Variants in CDK11B observed in about 807,000 individuals in gnomAD.
CDK11B encodes the protein cyclin dependent kinase 11B.
Under a neutral mutation model 84.0 loss-of-function variants are expected in CDK11B, and 37 were observed. The observed-to-expected ratio is 0.44, with a 90% CI of 0.34 to 0.58. The LOEUF is 0.58. Among genes scored for constraint, CDK11B ranks in the 20% least tolerant of loss-of-function variants. CDK11B has a pLI of 0.02. For missense variants in CDK11B, 427 were observed against 834.0 expected, an observed-to-expected ratio of 0.51 and a Z score of 6.01; for synonymous variants, 269 against 309.8, an observed-to-expected ratio of 0.87 and a Z score of 1.38.
rs1019119844 is a variant in CDK11B at position 1,658,962 on chromosome 1, A to G, written c.-62T>C. On this transcript the variant is annotated 5_prime_UTR_variant, in exon 1 of 20. Transcript: ENST00000341832. The stretch of plus-strand genomic sequence containing the variant: ...CGCCGCCGCCGCCGGTCCCGGAGCC[A>G]GAGAAGAAACAGCAACCGGCGCGCG... 93 of 204,678 alleles carry G rather than the reference A, an allele frequency of 4.5e-4. 1 individual carries two copies. The Admixed American group carries it at 5.6e-3, about 12-fold the overall frequency. 12.7% of individuals were successfully genotyped at this position (204,678 alleles called of 1,614,324 possible). A position where few individuals can be genotyped will look rare whatever the true frequency, so the allele number is the denominator to read the frequency against.
chr1:1,636,684 T>C lies in CDK11B; in HGVS notation c.1915A>G (p.Lys639Glu). The change falls in exon 17 of 20, where the codon AAG (lysine) becomes GAG (glutamate). Residue 639 changes from lysine to glutamate, a missense_variant and splice_region_variant. Physicochemically the swap from Lys to Glu is moderately conservative, Grantham distance 56. Coordinates refer to ENST00000341832, the MANE Select transcript of CDK11B (RefSeq NM_033486.3). ...SEIDQINKVF[K>E]DLGTPSEKIW... ...ACCTGCAGCAGGGCCAGACCCACCTTGAACACCTTGTTGATCTGATCGATT... is the reference window on the plus strand; with the variant it reads ...ACCTGCAGCAGGGCCAGACCCACCTCGAACACCTTGTTGATCTGATCGATT... The C allele has an allele frequency of 1.2e-6, 2 of 1,613,990 alleles. No individual in the cohort carries two copies. The highest frequency in any genetic ancestry group is 1.7e-6 in the Non-Finnish European group (2 of 1,179,862).
chr1:1,653,374 G>C (rs547890347), intron 3 of CDK11B, among the ~76,000 whole-genome samples: 2 of 152,032 alleles, frequency 1.3e-5, no homozygotes, highest in Admixed American at 1.3e-4. Context: ...AGCCTAGAGT[G>C]CAGAGGCACA....
intron 5 of CDK11B, chr1:1,647,122 C>G (rs1440425122): frequency 2.7e-6 from 1 of 371,144 alleles, no homozygotes; most frequent in African/African-American, 2.1e-5. Flanking sequence ...TGTTGTACCA[C>G]GGGTTTCTGA....
Position 1,652,422 on chromosome 1 carries a change from A to C in CDK11B, c.355+17T>G, listed in dbSNP as rs1642138782. ...CACACTTGAACATGATGTCAAAGAA[A>C]GTAAATGCTTCTGTACCCCCTTCTG... is the stretch of plus-strand genomic sequence containing the variant. On this transcript the variant is annotated intron_variant, in intron 4 of 19. Coordinates refer to ENST00000341832, the MANE Select transcript of CDK11B (RefSeq NM_033486.3). The C allele has an allele frequency of 2.0e-6, 3 of 1,488,214 alleles. No individual in the cohort carries two copies. Among genetic ancestry groups the C allele is most frequent in the African/African-American group, 2.9e-5 (2 of 67,800 alleles). The allele number at this position is 1,488,214 out of a possible 1,614,324, so 92.2% of individuals were successfully genotyped here.
At chr1:1,656,512 C>G (rs770993105) in intron 2 of CDK11B, among the ~76,000 whole-genome samples, 8 of 151,148 alleles carry the variant, frequency 5.3e-5, no homozygotes, top group African/African-American at 1.9e-4. Context: ...AAAGGCCGGG[C>G]GCGGAGGCTC....
In CDK11B at chr1:1,655,279, C is replaced by G; in HGVS notation, c.227+90G>C. On this transcript the variant is annotated intron_variant, in intron 3 of 19. Coordinates refer to ENST00000341832, the MANE Select transcript of CDK11B (RefSeq NM_033486.3). The stretch of plus-strand genomic sequence containing the variant: ...AAAGAGTAAACCTTAATAGTTACAA[C>G]AGCACACAGTTGTCACAGCGACCCT... The G allele has an allele frequency of 2.0e-6, 3 of 1,466,798 alleles. No homozygotes were observed. The South Asian group carries it at 4.1e-5, about 20-fold the overall frequency. The allele number at this position is 1,466,798 out of a possible 1,614,324, so 90.9% of individuals were successfully genotyped here.
chr1:1,650,478 G>A (rs1641852894), intron 4 of CDK11B, among the ~76,000 whole-genome samples: 1 of 146,108 alleles, frequency 6.8e-6, no homozygotes, highest in Non-Finnish European at 1.5e-5. Flanking sequence ...CCATTCTCCT[G>A]CCTCAGCCTC....
rs1557704388 is a variant in CDK11B, at chr1:1,649,537, C to T, written c.456G>A (p.Lys152=). 4 of 1,602,124 alleles carry T rather than the reference C, an allele frequency of 2.5e-6. No homozygotes were observed. The highest frequency in any genetic ancestry group is 3.4e-6 in the Non-Finnish European group (4 of 1,169,196). Residue 152 remains lysine (K), a synonymous_variant, in exon 5 of 20, where the codon AAG becomes AAA. Transcript: ENST00000341832. ...DKARREWERQ[K]RREMAREHSR... is the part of the protein sequence containing the mutation. ...AATGCTCCCTTGCCATCTCCCTTCT[C>T]TTCTGTCTTTCCCATTCCCGGCGAG...
At chr1:1,654,502 T>C (rs1018169282) in intron 3 of CDK11B, among the ~76,000 whole-genome samples, 5 of 152,042 alleles carry the variant, frequency 3.3e-5, no homozygotes, top group African/African-American at 1.2e-4. Context: ...AGGCTGGTCT[T>C]GAACTCCTGG....
rs753866422 is a variant in CDK11B at position 1,637,192 on chromosome 1, C to T, written c.1581G>A (p.Lys527=). 6.2e-7 allele frequency: 1 copy of T among 1,613,294 alleles called. No homozygotes were observed. ...MKQPFLPGEV[K]TLMIQLLRGV... is the part of the protein sequence containing the mutation. ...CACGCAGCAGCTGGATCATCAGGGT[C>T]TTCACCTCCCCTGGGAGGGAGGGAA... Residue 527 remains lysine (K), a synonymous_variant, in exon 15 of 20, where the codon AAG becomes AAA. Coordinates refer to ENST00000341832, the MANE Select transcript of CDK11B (RefSeq NM_033486.3).
At position 1,637,805 on chromosome 1, in the gene CDK11B, T is replaced by G. The variant is rs886688865; in HGVS notation, c.1421A>C (p.Asn474Thr). 6.2e-7 allele frequency: 1 copy of G among 1,613,622 alleles called. No homozygotes were observed. Among genetic ancestry groups the G allele is most frequent in the Non-Finnish European group, 8.5e-7 (1 of 1,179,704 alleles). ...GFPITSLREI[N>T]TILKAQHPNI... ...GGGATGCTGGGCCTTGAGGATGGTG[T>G]TGATCTCCCTCAGCGACGTGATCGG... The change falls in exon 13 of 20, where the codon AAC becomes ACC. Residue 474 changes from asparagine to threonine, a missense_variant. Transcript: ENST00000341832.
intron 10 of CDK11B, 68 bp from the exon 11 acceptor site, chr1:1,640,520 G>C: frequency 6.2e-7 from 1 of 1,610,722 alleles, no homozygotes; most frequent in Non-Finnish European, 8.5e-7. Flanking sequence ...CCTGCCCCGG[G>C]GGCATCAAGC....
At chr1:1,640,509 T>C in intron 10 of CDK11B, 57 bp from the exon 11 acceptor site, 1 of 1,612,754 alleles carries the variant, frequency 6.2e-7, no homozygotes, top group South Asian at 1.1e-5. Flanking sequence ...ATGAACCTCC[T>C]CCTGCCCCGG....
At chr1:1,653,858 A>ACACACACACC (rs1570225299) in intron 3 of CDK11B, among the ~76,000 whole-genome samples, 1 of 150,248 alleles carries the variant, frequency 6.7e-6, no homozygotes, top group East Asian at 2.0e-4. Flanking sequence ...ACACACACAC[A>ACACACACACC]CACACCCGAG....
chr1:1,648,792 GAC>G (rs892418531), intron 5 of CDK11B, among the ~76,000 whole-genome samples: 1 of 151,872 alleles, frequency 6.6e-6, no homozygotes, highest in African/African-American at 2.4e-5. Context: ...CTTTTTTTGA[GAC>G]AGTCTCACTC....
chr1:1,640,953 G>A lies in CDK11B; in HGVS notation c.1075+95C>T, dbSNP rs918837499. 26 of 1,583,814 alleles carry A rather than the reference G, an allele frequency of 1.6e-5. No homozygotes were observed. In the East Asian group the frequency reaches 2.0e-4, roughly 12 times the overall value. Reference sequence around the variant, plus strand: ...ATCAGGCGGCCTCCCAGACCCTGGCGTGCCCCACGCTGCGCAGGACCGGCT... The same window carrying A: ...ATCAGGCGGCCTCCCAGACCCTGGCATGCCCCACGCTGCGCAGGACCGGCT... On this transcript the variant is annotated intron_variant, in intron 10 of 19. Transcript: ENST00000341832.
At chr1:1,649,398 G>A in intron 5 of CDK11B, 101 bp downstream of exon 5, 1 of 896,956 alleles carries the variant, frequency 1.1e-6, no homozygotes. Flanking sequence ...ACCACACCTG[G>A]CTCAGATGTG....
rs1469407303 is a variant in CDK11B at position 1,650,099 on chromosome 1, T to C, written c.356-462A>G. Among the ~76,000 whole-genome samples the C allele has an allele frequency of 2.1e-3, 318 of 149,820 alleles. 5 individuals carry two copies. The East Asian group carries it at 0.051, about 24-fold the overall frequency. On this transcript the variant is annotated intron_variant, in intron 4 of 19. Coordinates refer to ENST00000341832, the MANE Select transcript of CDK11B (RefSeq NM_033486.3). ...TCCTGGCTAACACGGTGAAACCCCATCTCTACTAAAAATACAAAAAATTAG... is the reference window on the plus strand; with the variant it reads ...TCCTGGCTAACACGGTGAAACCCCACCTCTACTAAAAATACAAAAAATTAG...
Position 1,636,036 on chromosome 1 carries a change from G to A in CDK11B, c.2157C>T (p.Pro719=). 2.3e-6 allele frequency: 1 copy of A among 435,840 alleles called. No homozygotes were observed. The highest frequency in any genetic ancestry group is 2.3e-5 in the South Asian group (1 of 42,718). The allele number at this position is 435,840 out of a possible 1,614,324, so 27.0% of individuals were successfully genotyped here. The part of the protein sequence containing the change: ...YFRETPLPID[P]SMFPTWPAKS... ...TGGCGGGCCACGTGGGGAACATGGA[G>A]GGGTCGATGGGGAGGGGGGTCTCGC... Residue 719 remains proline (P), a synonymous_variant, in exon 19 of 20, where the codon CCC becomes CCT. Coordinates refer to ENST00000341832, the MANE Select transcript of CDK11B (RefSeq NM_033486.3).
Sources: allele counts gnomAD v4.1 joint callset (sites outside exome capture counted in the v4.1 genomes callset), GRCh38; gene constraint gnomAD v4.1.1; transcripts MANE v1.5; gene names NCBI Gene and HGNC (gene_info 2026-07-23, HGNC 2026-07-21).